The following PCDHGA8 variants were observed in gnomAD, a reference collection of about 807,000 sequenced individuals.
The protein encoded by PCDHGA8 is protocadherin gamma-A8.
In PCDHGA8, 45 loss-of-function variants were observed where a neutral mutation model predicts 59.2. The observed-to-expected ratio is 0.76, with a 90% CI of 0.60 to 0.98. PCDHGA8 has a LOEUF of 0.98. Among genes scored for constraint, PCDHGA8 ranks in the 50% least tolerant of loss-of-function variants. The pLI is 0.00. For missense variants in PCDHGA8, 1,257 were observed against 1,196.2 expected, an observed-to-expected ratio of 1.05 and a Z score of -0.75; for synonymous variants, 531 against 519.0, an observed-to-expected ratio of 1.02 and a Z score of -0.32.
chr5:141,456,701 G>A lies in PCDHGA8; in HGVS notation c.2425-38106G>A, dbSNP rs370086323. ...CATTACTGGCCAGGCGTGGTGGCTC[G>A]CGCCTGTAATCCCAGCACTTTGGGA... On this transcript the variant is annotated intron_variant, in intron 1 of 3. Transcript: ENST00000398604. 2.3e-4 allele frequency among the ~76,000 whole-genome samples: 35 copies of A among 152,106 alleles called. No homozygotes were observed. The South Asian group carries it at 4.8e-3, about 21-fold the overall frequency.
intron 1 of PCDHGA8, among the ~76,000 whole-genome samples, chr5:141,448,106 A>G (rs1308837314): frequency 1.3e-5 from 2 of 151,996 alleles, no homozygotes. Context: ...AAATTAAAAG[A>G]AAAGAAAATT....
chr5:141,496,083 C>T (rs1267834920), intron 2 of PCDHGA8, among the ~76,000 whole-genome samples: 8 of 151,904 alleles, frequency 5.3e-5, no homozygotes, highest in Admixed American at 3.3e-4. Flanking sequence ...CAACCCCCCA[C>T]CCACCACCCA....
At position 141,485,968 on chromosome 5, in the gene PCDHGA8, T is replaced by C; in HGVS notation, c.2425-8839T>C. On this transcript the variant is annotated intron_variant, in intron 1 of 3. Coordinates refer to ENST00000398604, the MANE Select transcript of PCDHGA8 (RefSeq NM_032088.2). The surrounding 1 kb of genome is among the most constrained non-coding windows in gnomAD (Gnocchi z 5.7). The stretch of plus-strand genomic sequence containing the variant: ...CGGGCATGGTGCTCATCCAGCTCAA[T>C]GCCTCAGACCCGGACCTGGGTCCCA... 6.2e-7 allele frequency: 1 copy of C among 1,614,216 alleles called. No homozygotes were observed. The highest frequency in any genetic ancestry group is 1.1e-5 in the South Asian group (1 of 91,088).
intron 1 of PCDHGA8, chr5:141,402,874 C>T: frequency 2.7e-6 from 4 of 1,460,728 alleles, no homozygotes; most frequent in South Asian, 1.5e-5. Flanking sequence ...GATCACCATA[C>T]TTTGCAGGGT....
At chr5:141,396,891 A>G (rs1216083648) in intron 1 of PCDHGA8, among the ~76,000 whole-genome samples, 1 of 152,228 alleles carries the variant, frequency 6.6e-6, no homozygotes, top group Non-Finnish European at 1.5e-5. Flanking sequence ...AGAGGACAAC[A>G]TATTATTGGC....
chr5:141,478,783 T>G (rs1435790850), intron 1 of PCDHGA8: 2 of 1,483,968 alleles, frequency 1.3e-6, no homozygotes, highest in Admixed American at 4.6e-5. Flanking sequence ...TGGACCTAAT[T>G]CACATCCTCA....
At position 141,502,665 on chromosome 5, in the gene PCDHGA8, A is replaced by G. The variant is rs192555506; in HGVS notation, c.2484-2728A>G. The stretch of plus-strand genomic sequence containing the variant: ...GAGATAGGCAGCAACCCTTCATGCA[A>G]TTTTAGTATTCCCTGATGATCCTTG... On this transcript the variant is annotated intron_variant, in intron 2 of 3. Transcript: ENST00000398604. 3.7e-3 allele frequency among the ~76,000 whole-genome samples: 568 copies of G among 152,330 alleles called. 1 individual carries two copies. Among genetic ancestry groups the G allele is most frequent in the African/African-American group, 0.013 (544 of 41,584 alleles).
intron 1 of PCDHGA8, among the ~76,000 whole-genome samples, chr5:141,460,577 TGTG>T (rs2098992364): frequency 6.6e-6 from 1 of 152,094 alleles, no homozygotes; most frequent in African/African-American, 2.4e-5. Context: ...CATATGTAGG[TGTG>T]GGTTTTTTCT....
intron 1 of PCDHGA8, chr5:141,418,101 G>A (rs965772298): frequency 3.7e-6 from 6 of 1,614,082 alleles, no homozygotes; most frequent in Non-Finnish European, 5.1e-6. Flanking sequence ...GACGCGCAGA[G>A]CGGGGACTTA....
intron 1 of PCDHGA8, among the ~76,000 whole-genome samples, chr5:141,465,888 C>T (rs1031908926): frequency 5.3e-5 from 8 of 151,942 alleles, no homozygotes; most frequent in South Asian, 2.1e-4. Context: ...TTTGGGAGGC[C>T]GAGGCGGGCA....
intron 1 of PCDHGA8, chr5:141,414,738 C>A: frequency 6.2e-7 from 1 of 1,614,238 alleles, no homozygotes; most frequent in Non-Finnish European, 8.5e-7. Context: ...TGTATGCACT[C>A]AGATCCTTCG....
chr5:141,410,118 G>T (rs2095358965), intron 1 of PCDHGA8: 3 of 1,612,304 alleles, frequency 1.9e-6, no homozygotes, highest in East Asian at 4.5e-5. Context: ...GACGCAGCCC[G>T]CCAGCGCCTG....
intron 1 of PCDHGA8, among the ~76,000 whole-genome samples, chr5:141,463,346 C>G (rs963070531): frequency 6.7e-6 from 1 of 150,312 alleles, no homozygotes; most frequent in Non-Finnish European, 1.5e-5. Context: ...TGGTGTTATT[C>G]TTGGATTTCC....
chr5:141,470,452 G>A (rs981528762), intron 1 of PCDHGA8, among the ~76,000 whole-genome samples: 1 of 152,130 alleles, frequency 6.6e-6, no homozygotes, highest in Admixed American at 6.5e-5. Flanking sequence ...ATAGCATCTT[G>A]AATAGGATTT....
intron 1 of PCDHGA8, chr5:141,426,408 G>A (rs2096933631): frequency 1.2e-5 from 3 of 258,388 alleles, no homozygotes; most frequent in South Asian, 4.8e-5. Flanking sequence ...CAGAAGAAAC[G>A]GTCCAGGGCT....
intron 1 of PCDHGA8, chr5:141,421,565 A>T (rs1373619696): frequency 1.2e-6 from 2 of 1,613,834 alleles, no homozygotes; most frequent in Admixed American, 3.3e-5. Context: ...CTCGTGGAAG[A>T]CACCTTGAAG....
chr5:141,499,677 T>C (rs2099793326), intron 2 of PCDHGA8, among the ~76,000 whole-genome samples: 1 of 151,690 alleles, frequency 6.6e-6, no homozygotes, highest in African/African-American at 2.4e-5. Flanking sequence ...CTCCACCATC[T>C]TTAACAGATG....
chr5:141,480,407 C>T (rs906445993), intron 1 of PCDHGA8, among the ~76,000 whole-genome samples: 1 of 139,782 alleles, frequency 7.2e-6, no homozygotes, highest in Admixed American at 7.0e-5. Context: ...AGAGTGAGAC[C>T]CTGTCTCAAA....
rs749347013 is a variant in PCDHGA8, at chr5:141,476,739, C to G, written c.2425-18068C>G. 6.2e-7 allele frequency: 1 copy of G among 1,614,068 alleles called. No individual in the cohort carries two copies. Among genetic ancestry groups the G allele is most frequent in the South Asian group, 1.1e-5 (1 of 91,088 alleles). On this transcript the variant is annotated intron_variant, in intron 1 of 3. Transcript: ENST00000398604. The surrounding 1 kb of genome is among the most constrained non-coding windows in gnomAD (Gnocchi z 7.6). Reference sequence around the variant, plus strand: ...CGCGCCCTGGACCGAGAACGGGAGCCTAGTCTCCAGTTAGTGCTGACGGCG... The same window carrying G: ...CGCGCCCTGGACCGAGAACGGGAGCGTAGTCTCCAGTTAGTGCTGACGGCG...
Sources: allele counts gnomAD v4.1 joint callset (sites outside exome capture counted in the v4.1 genomes callset), GRCh38; gene constraint gnomAD v4.1.1; non-coding constraint Gnocchi (gnomAD v3.1); transcripts MANE v1.5; gene names NCBI Gene and HGNC (gene_info 2026-07-23, HGNC 2026-07-21).